THSD7A: variants seen among roughly 807,000 people sequenced by gnomAD.
THSD7A encodes the protein thrombospondin type-1 domain-containing protein 7A.
In THSD7A, 96 loss-of-function variants were observed where a neutral mutation model predicts 231.3. The ratio of observed to expected loss-of-function variants is 0.41; its 90% CI spans 0.35 to 0.49. The LOEUF is 0.49. Ranked by LOEUF, THSD7A falls within the 20% of genes least tolerant of loss-of-function variation. The pLI, the probability that THSD7A is intolerant of heterozygous loss-of-function variation, is 0.05. For missense variants in THSD7A, 2,290 were observed against 2,070.2 expected, an observed-to-expected ratio of 1.11 and a Z score of -2.06; for synonymous variants, 940 against 743.3, an observed-to-expected ratio of 1.26 and a Z score of -4.30.
At chr7:11,826,720 G>A (rs1383658617) in intron 1 of THSD7A, among the ~76,000 whole-genome samples, 2 of 150,936 alleles carry the variant, frequency 1.3e-5, no homozygotes, top group Non-Finnish European at 2.9e-5. Flanking sequence ...GCTGATGCAG[G>A]AGAATCGCTT....
chr7:11,417,720 T>A, intron 16 of THSD7A, 117 bp from the exon 17 acceptor site: 1 of 1,019,804 alleles, frequency 9.8e-7, no homozygotes, highest in Non-Finnish European at 1.4e-6. Context: ...GACATCGTTA[T>A]GGGGGTGGGG....
intron 17 of THSD7A, among the ~76,000 whole-genome samples, chr7:11,415,813 G>C (rs1287913227): frequency 1.3e-5 from 2 of 152,068 alleles, no homozygotes; most frequent in East Asian, 1.9e-4. Flanking sequence ...CGATTGATTG[G>C]GACTTTTGCC....
chr7:11,730,999 T>G (rs1449789660), intron 1 of THSD7A, among the ~76,000 whole-genome samples: 1 of 151,686 alleles, frequency 6.6e-6, no homozygotes, highest in Non-Finnish European at 1.5e-5. Flanking sequence ...CAGTTTGCTC[T>G]ATTTCATCCT....
intron 1 of THSD7A, among the ~76,000 whole-genome samples, chr7:11,699,338 C>T (rs1343298666): frequency 6.6e-6 from 1 of 151,214 alleles, no homozygotes; most frequent in Non-Finnish European, 1.5e-5. Flanking sequence ...ATTTATATGA[C>T]ACTTTTTATC....
At chr7:11,602,442 A>G (rs964460320) in intron 2 of THSD7A, among the ~76,000 whole-genome samples, 1 of 152,154 alleles carries the variant, frequency 6.6e-6, no homozygotes, top group Admixed American at 6.6e-5. Flanking sequence ...TTAAGTTGGA[A>G]GCATGTAATT....
chr7:11,375,332 A>C lies in THSD7A; in HGVS notation c.*462T>G, dbSNP rs1782222911. 6.6e-6 allele frequency: 1 copy of C among 152,570 alleles called. No individual in the cohort carries two copies. The highest frequency in any genetic ancestry group is 1.5e-5 in the Non-Finnish European group (1 of 68,384). 9.5% of individuals were successfully genotyped at this position (152,570 alleles called of 1,614,324 possible). On this transcript the variant is annotated 3_prime_UTR_variant, in exon 28 of 28. Coordinates refer to ENST00000423059, the MANE Select transcript of THSD7A (RefSeq NM_015204.3). The stretch of plus-strand genomic sequence containing the variant: ...GTTAAAATTGCTTATTAGCAAGTAC[A>C]TAATCTGACATAATGTGTGTCATTC...
At chr7:11,501,848 GT>G (rs1166692241) in intron 6 of THSD7A, among the ~76,000 whole-genome samples, 3 of 152,030 alleles carry the variant, frequency 2.0e-5, no homozygotes, top group African/African-American at 7.2e-5. Flanking sequence ...CCAGCAGTTT[GT>G]TTTTTTGAAA....
In THSD7A at chr7:11,411,831, C is replaced by T. The variant is rs1783796602; in HGVS notation, c.3683-509G>A. On this transcript the variant is annotated intron_variant, in intron 18 of 27. Coordinates refer to ENST00000423059, the MANE Select transcript of THSD7A (RefSeq NM_015204.3). This position sits in a 1 kb window ranked among gnomAD's most constrained non-coding sequence, Gnocchi z 4.1. ...CACTTTGGCCATATTTATTCATTCT[C>T]TTATGTCTTTCGTAAGAAGACATAA... is the stretch of plus-strand genomic sequence containing the variant. Among the ~76,000 whole-genome samples, 1 of 151,836 alleles carries T rather than the reference C, an allele frequency of 6.6e-6. No homozygotes were observed. Among genetic ancestry groups the T allele is most frequent in the Non-Finnish European group, 1.5e-5 (1 of 67,978 alleles).
intron 2 of THSD7A, among the ~76,000 whole-genome samples, chr7:11,628,183 A>G (rs1470048032): frequency 6.6e-6 from 1 of 152,194 alleles, no homozygotes; most frequent in East Asian, 1.9e-4. Flanking sequence ...TAAATGTGGA[A>G]ATGTTTAGAC....
intron 4 of THSD7A, among the ~76,000 whole-genome samples, chr7:11,573,844 A>G (rs905905889): frequency 6.6e-6 from 1 of 152,176 alleles, no homozygotes; most frequent in African/African-American, 2.4e-5. Flanking sequence ...TATTCAATAA[A>G]CATTTACTGA....
intron 1 of THSD7A, among the ~76,000 whole-genome samples, chr7:11,700,012 A>G (rs1780536765): frequency 6.6e-6 from 1 of 151,362 alleles, no homozygotes; most frequent in Admixed American, 6.6e-5. Context: ...GAATATCCTT[A>G]AAGTTATTTG....
intron 4 of THSD7A, among the ~76,000 whole-genome samples, chr7:11,567,607 C>A (rs12699236): frequency 0.19 from 29,567 of 152,074 alleles, 2,986 homozygotes; most frequent in East Asian, 0.23. Flanking sequence ...GGGTTTAAAA[C>A]TACCGATAGC....
At chr7:11,805,217 T>G (rs1159696044) in intron 1 of THSD7A, among the ~76,000 whole-genome samples, 1 of 152,116 alleles carries the variant, frequency 6.6e-6, no homozygotes, top group African/African-American at 2.4e-5. Flanking sequence ...AATAATATAT[T>G]TATACTTCTT....
intron 1 of THSD7A, among the ~76,000 whole-genome samples, chr7:11,662,488 C>A (rs1449657170): frequency 6.6e-6 from 1 of 151,198 alleles, no homozygotes; most frequent in Non-Finnish European, 1.5e-5. Flanking sequence ...CTTTCATTAA[C>A]TAATAGAAGT....
intron 1 of THSD7A, among the ~76,000 whole-genome samples, chr7:11,761,327 T>C (rs1398836907): frequency 6.6e-6 from 1 of 152,098 alleles, no homozygotes; most frequent in Non-Finnish European, 1.5e-5. Context: ...TTGAAATACA[T>C]ATCATGTCAT....
chr7:11,771,133 TTAATA>T (rs1389557205), intron 1 of THSD7A, among the ~76,000 whole-genome samples: 1 of 150,940 alleles, frequency 6.6e-6, no homozygotes, highest in Non-Finnish European at 1.5e-5. Flanking sequence ...TTCATCATAA[TTAATA>T]TAAAATATGT....
intron 13 of THSD7A, among the ~76,000 whole-genome samples, chr7:11,437,624 A>G (rs1206528718): frequency 1.3e-5 from 2 of 152,100 alleles, no homozygotes; most frequent in African/African-American, 2.4e-5. Flanking sequence ...TACCAAATGG[A>G]AAAGCTCTTT....
intron 6 of THSD7A, among the ~76,000 whole-genome samples, chr7:11,529,786 T>G (rs1788627214): frequency 6.6e-6 from 1 of 152,182 alleles, no homozygotes; most frequent in Non-Finnish European, 1.5e-5. Flanking sequence ...GAGGATACAC[T>G]AATACAGTAA....
chr7:11,644,464 G>T (rs1635181), intron 1 of THSD7A, among the ~76,000 whole-genome samples: 112,934 of 151,852 alleles, frequency 0.74, 42,120 homozygotes, highest in South Asian at 0.82. Context: ...GAGGAGAGTT[G>T]GTAGCTTCTT....
Sources: allele counts gnomAD v4.1 joint callset (sites outside exome capture counted in the v4.1 genomes callset), GRCh38; gene constraint gnomAD v4.1.1; non-coding constraint Gnocchi (gnomAD v3.1); transcripts MANE v1.5; gene names NCBI Gene and HGNC (gene_info 2026-07-23, HGNC 2026-07-21).